NELL1: variants seen among roughly 807,000 people sequenced by gnomAD.
NELL1 encodes neural EGFL like 1.
In NELL1, 76 loss-of-function variants were observed where a neutral mutation model predicts 107.4. The observed-to-expected ratio is 0.71, with a 90% CI of 0.59 to 0.86. NELL1 has a LOEUF of 0.86. Among genes scored for constraint, NELL1 ranks in the 40% least tolerant of loss-of-function variants. The pLI, the probability that NELL1 is intolerant of heterozygous loss-of-function variation, is 0.00. For missense variants in NELL1, 1,024 were observed against 1,005.5 expected, an observed-to-expected ratio of 1.02 and a Z score of -0.25; for synonymous variants, 353 against 341.2, an observed-to-expected ratio of 1.03 and a Z score of -0.38.
chr11:21,545,850 C>G (rs1591024170), intron 16 of NELL1, among the ~76,000 whole-genome samples: 1 of 152,014 alleles, frequency 6.6e-6, no homozygotes, highest in Admixed American at 6.6e-5. Flanking sequence ...CGCCTGGGAA[C>G]TTGTTAGAAA....
intron 15 of NELL1, among the ~76,000 whole-genome samples, chr11:21,470,068 G>GTACT (rs1157441475): frequency 6.6e-6 from 1 of 151,884 alleles, no homozygotes; most frequent in Non-Finnish European, 1.5e-5. Context: ...TCTATGCCAG[G>GTACT]TACTTATATA....
In NELL1 at chr11:21,560,192, T is replaced by C. The variant is rs770720994; in HGVS notation, c.1790T>C (p.Ile597Thr). The change falls in exon 17 of 20, where the codon ATT becomes ACT. Residue 597 changes from isoleucine to threonine, a missense_variant. Physicochemically the swap from Ile to Thr is moderately conservative, Grantham distance 89. Transcript: ENST00000357134. ...YSLSGESCIDIDECALRTHTC... is the reference protein window; with the variant it reads ...YSLSGESCIDTDECALRTHTC... The stretch of plus-strand genomic sequence containing the variant: ...TTCTGTGCTTCCTATATTGCAGACA[T>C]TGATGAATGTGCCTTAAGAACTCAC... 2.5e-6 allele frequency: 4 copies of C among 1,613,562 alleles called. No homozygotes were observed. In the Admixed American group the frequency reaches 6.7e-5, roughly 27 times the overall value.
chr11:21,222,635 A>G (rs1252044256), intron 13 of NELL1, among the ~76,000 whole-genome samples: 1 of 151,794 alleles, frequency 6.6e-6, no homozygotes, highest in Non-Finnish European at 1.5e-5. Context: ...GCTTATTTGA[A>G]ATCTTTCTAT....
At chr11:20,772,900 A>AT (rs1419536931) in intron 2 of NELL1, among the ~76,000 whole-genome samples, 1 of 152,242 alleles carries the variant, frequency 6.6e-6, no homozygotes, top group Non-Finnish European at 1.5e-5. Flanking sequence ...GGAGATAGCA[A>AT]TGCTGACACC....
chr11:21,332,527 C>T (rs1342458726), intron 14 of NELL1, among the ~76,000 whole-genome samples: 2 of 151,874 alleles, frequency 1.3e-5, no homozygotes, highest in African/African-American at 4.8e-5. Flanking sequence ...TGTCTGAAAA[C>T]AGTTGTTTTA....
chr11:21,009,909 G>T (rs1398614142), intron 12 of NELL1, among the ~76,000 whole-genome samples: 1 of 151,880 alleles, frequency 6.6e-6, no homozygotes, highest in Non-Finnish European at 1.5e-5. Flanking sequence ...AGGGGTGGCA[G>T]TTTTTGAGCA....
intron 15 of NELL1, among the ~76,000 whole-genome samples, chr11:21,516,899 G>C (rs114195413): frequency 6.6e-6 from 1 of 151,600 alleles, no homozygotes; most frequent in African/African-American, 2.4e-5. Flanking sequence ...CCGTCTCCCA[G>C]GGTCAAGCAA....
At chr11:20,964,365 T>C (rs1851348906) in intron 12 of NELL1, among the ~76,000 whole-genome samples, 1 of 152,200 alleles carries the variant, frequency 6.6e-6, no homozygotes, top group Admixed American at 6.6e-5. Context: ...TAAAGAACAA[T>C]GTAATATCAT....
At chr11:21,355,839 C>T (rs1230726343) in intron 14 of NELL1, among the ~76,000 whole-genome samples, 1 of 152,150 alleles carries the variant, frequency 6.6e-6, no homozygotes, top group Non-Finnish European at 1.5e-5. Context: ...AGTTTTCCTT[C>T]TTGGCACCTC....
intron 12 of NELL1, among the ~76,000 whole-genome samples, chr11:21,058,646 A>G (rs1853666689): frequency 6.6e-6 from 1 of 152,288 alleles, no homozygotes; most frequent in Admixed American, 6.5e-5. Context: ...TAGATCTAAC[A>G]TGAACTTTTT....
At chr11:21,398,173 G>A (rs926167792) in intron 15 of NELL1, among the ~76,000 whole-genome samples, 1 of 151,562 alleles carries the variant, frequency 6.6e-6, no homozygotes, top group African/African-American at 2.4e-5. Context: ...TGAAAATAAA[G>A]GACTTTTTGG....
At chr11:21,562,932 C>T (rs2134004287) in intron 17 of NELL1, among the ~76,000 whole-genome samples, 1 of 152,152 alleles carries the variant, frequency 6.6e-6, no homozygotes, top group African/African-American at 2.4e-5. Flanking sequence ...TGAAACATGT[C>T]CACAGATGAA....
intron 15 of NELL1, among the ~76,000 whole-genome samples, chr11:21,511,849 A>G (rs899969065): frequency 1.3e-5 from 2 of 152,214 alleles, no homozygotes; most frequent in East Asian, 3.8e-4. Context: ...GAGTCATAAT[A>G]TTGTTCAAAG....
intron 13 of NELL1, among the ~76,000 whole-genome samples, chr11:21,183,930 A>G (rs964981038): frequency 2.0e-5 from 3 of 151,752 alleles, no homozygotes; most frequent in East Asian, 1.9e-4. Flanking sequence ...TTCCGTTACT[A>G]TGATCATTTT....
At chr11:21,080,599 AG>A (rs1854243536) in intron 12 of NELL1, among the ~76,000 whole-genome samples, 1 of 152,000 alleles carries the variant, frequency 6.6e-6, no homozygotes, top group Admixed American at 6.6e-5. Context: ...TGAATCTTTT[AG>A]GTTTTTTCCA....
rs73454576 is a variant in NELL1 at position 21,170,008 on chromosome 11, C to G, written c.1426+56294C>G. ...TGCGGGCTCCTCAGGCTTTTGAGCA[C>G]TCAGATGTGGACAGGGTTGTCATCA... On this transcript the variant is annotated intron_variant, in intron 13 of 19. Transcript: ENST00000357134. 471 of 1,246,046 alleles carry G rather than the reference C, an allele frequency of 3.8e-4. 13 individuals are homozygous for G. The African/African-American group carries it at 5.7e-3, about 15-fold the overall frequency. The allele number at this position is 1,246,046 out of a possible 1,614,324, so 77.2% of individuals were successfully genotyped here.
At chr11:20,956,562 C>T (rs1446149956) in intron 11 of NELL1, among the ~76,000 whole-genome samples, 2 of 150,926 alleles carry the variant, frequency 1.3e-5, no homozygotes, top group African/African-American at 2.4e-5. Context: ...AGGAGAATGG[C>T]ATGAACCCGG....
At chr11:21,251,357 C>G (rs1590773457) in intron 14 of NELL1, among the ~76,000 whole-genome samples, 1 of 152,038 alleles carries the variant, frequency 6.6e-6, no homozygotes, top group African/African-American at 2.4e-5. Flanking sequence ...AAAGGAGACT[C>G]TTTAAAAATC....
intron 12 of NELL1, among the ~76,000 whole-genome samples, chr11:21,003,014 T>C (rs7125058): frequency 0.18 from 27,305 of 152,144 alleles, 2,597 homozygotes; most frequent in Middle Eastern, 0.23. Context: ...CATCCATTAG[T>C]GGAATTGATT....
Sources: allele counts gnomAD v4.1 joint callset (sites outside exome capture counted in the v4.1 genomes callset), GRCh38; gene constraint gnomAD v4.1.1; transcripts MANE v1.5; gene names NCBI Gene and HGNC (gene_info 2026-07-23, HGNC 2026-07-21).